PCDH15: variants seen among roughly 807,000 people sequenced by gnomAD.
PCDH15 encodes protocadherin related 15, also known as protocadherin-15.
In PCDH15, 129 loss-of-function variants were observed where a neutral mutation model predicts 178.5. That is an observed-to-expected ratio of 0.72 (90% CI 0.63 to 0.84). The LOEUF is 0.84. Ranked by LOEUF, PCDH15 falls within the 40% of genes least tolerant of loss-of-function variation. PCDH15 has a pLI of 0.00. For synonymous variants in PCDH15, 800 were observed against 732.0 expected, an observed-to-expected ratio of 1.09 and a Z score of -1.50; for missense variants, 2,230 against 2,099.9, an observed-to-expected ratio of 1.06 and a Z score of -1.21.
chr10:54,031,134 A>G (rs2093281344), intron 18 of PCDH15, among the ~76,000 whole-genome samples: 1 of 152,050 alleles, frequency 6.6e-6, no homozygotes, highest in Admixed American at 6.6e-5. Flanking sequence ...CAGAAATTCC[A>G]TTCCCTCACA....
chr10:55,189,945 T>G (rs1246579112), intron 1 of PCDH15, among the ~76,000 whole-genome samples: 1 of 151,746 alleles, frequency 6.6e-6, no homozygotes, highest in Non-Finnish European at 1.5e-5. Context: ...AGAAATGGAG[T>G]GCATATGTCC....
intron 1 of PCDH15, among the ~76,000 whole-genome samples, chr10:54,742,952 C>A (rs1464744662): frequency 1.3e-5 from 2 of 151,918 alleles, no homozygotes; most frequent in East Asian, 1.9e-4. Flanking sequence ...CAATATTCAC[C>A]ATAAGTCTGG....
At chr10:55,561,213 A>C (rs1216577370) in intron 2 of PCDH15, among the ~76,000 whole-genome samples, 4 of 151,908 alleles carry the variant, frequency 2.6e-5, no homozygotes, top group Admixed American at 6.6e-5. Context: ...CTGGGAAGTT[A>C]ACAACTTTTC....
chr10:54,779,195 G>C (rs1267667283), intron 1 of PCDH15, among the ~76,000 whole-genome samples: 1 of 151,416 alleles, frequency 6.6e-6, no homozygotes, highest in East Asian at 2.0e-4. Context: ...AATGAAATAA[G>C]TAACCAAGGG....
At chr10:54,173,720 A>C (rs1207228662) in intron 13 of PCDH15, among the ~76,000 whole-genome samples, 1 of 152,188 alleles carries the variant, frequency 6.6e-6, no homozygotes, top group African/African-American at 2.4e-5. Flanking sequence ...TGATAGAAAA[A>C]GAAGAAAAGT....
intron 2 of PCDH15, among the ~76,000 whole-genome samples, chr10:55,488,188 T>G (rs1370646408): frequency 6.6e-6 from 1 of 151,632 alleles, no homozygotes; most frequent in Non-Finnish European, 1.5e-5. Context: ...AGTGTATATT[T>G]TCTTTAAAGT....
At chr10:54,329,738 A>G (rs1436257371) in intron 6 of PCDH15, 32 bp from the exon 7 acceptor site, 3 of 1,334,484 alleles carry the variant, frequency 2.2e-6, no homozygotes, top group Non-Finnish European at 3.2e-6. Context: ...ACTTCAGATT[A>G]TTTGAATGTA....
At chr10:54,437,289 T>G (rs2075486854) in intron 3 of PCDH15, among the ~76,000 whole-genome samples, 1 of 152,112 alleles carries the variant, frequency 6.6e-6, no homozygotes, top group Non-Finnish European at 1.5e-5. Flanking sequence ...TTAACAACAA[T>G]GGGACAAATC....
chr10:54,506,210 G>A (rs947010099), intron 3 of PCDH15, among the ~76,000 whole-genome samples: 4 of 151,892 alleles, frequency 2.6e-5, no homozygotes, highest in Non-Finnish European at 4.4e-5. Context: ...TTGGAACTTT[G>A]GAGTATAGTG....
intron 1 of PCDH15, among the ~76,000 whole-genome samples, chr10:54,667,033 G>T (rs1238318367): frequency 6.6e-6 from 1 of 151,742 alleles, no homozygotes; most frequent in African/African-American, 2.4e-5. Flanking sequence ...AGGATTATAT[G>T]CATATTTCTG....
At chr10:55,059,233 C>A (rs1319192401) in intron 2 of PCDH15, among the ~76,000 whole-genome samples, 1 of 152,166 alleles carries the variant, frequency 6.6e-6, no homozygotes, top group African/African-American at 2.4e-5. Flanking sequence ...ACTTTAAAAA[C>A]CTTCCTACCA....
chr10:54,854,025 G>A (rs763126140), intron 3 of PCDH15, among the ~76,000 whole-genome samples: 2 of 152,176 alleles, frequency 1.3e-5, no homozygotes, highest in African/African-American at 2.4e-5. Context: ...TGCCAAAGGC[G>A]AGTCAGGCAT....
chr10:54,841,207 T>C (rs1287644043), intron 3 of PCDH15, among the ~76,000 whole-genome samples: 1 of 151,778 alleles, frequency 6.6e-6, no homozygotes, highest in Non-Finnish European at 1.5e-5. Context: ...AGACAGAAAT[T>C]ATATGAAGTA....
intron 35 of PCDH15, among the ~76,000 whole-genome samples, chr10:53,812,914 G>A (rs997690771): frequency 6.6e-6 from 1 of 152,124 alleles, no homozygotes. Flanking sequence ...GCCCTCCTCT[G>A]AGGGCACAAA....
intron 2 of PCDH15, among the ~76,000 whole-genome samples, chr10:55,046,460 T>C (rs1841009154): frequency 6.6e-6 from 1 of 152,048 alleles, no homozygotes. Context: ...TTATACATTT[T>C]GTAGAAACTG....
In PCDH15 at chr10:54,849,865, C is replaced by T. The variant is rs538881262; in HGVS notation, c.-29+47585G>A. 5.3e-5 allele frequency among the ~76,000 whole-genome samples: 8 copies of T among 151,932 alleles called. No individual in the cohort carries two copies. In the East Asian group the frequency reaches 1.4e-3, roughly 26 times the overall value. ...TCAAATATTTACAATGTGGTTGAAC[C>T]GATTTGTGGTTTTCAGTTAATATCA... On this transcript the variant is annotated intron_variant, in intron 3 of 5. Transcript: ENST00000458638.
At chr10:54,199,564 CAACAACAATAAT>C (rs2050020631) in intron 10 of PCDH15, among the ~76,000 whole-genome samples, 1 of 79,270 alleles carries the variant, frequency 1.3e-5, no homozygotes, top group Admixed American at 1.4e-4. Flanking sequence ...TAAACAACAA[CAACAACAATAAT>C]AATAATAATA....
intron 2 of PCDH15, among the ~76,000 whole-genome samples, chr10:55,388,288 T>C (rs1473685887): frequency 5.9e-5 from 9 of 152,114 alleles, no homozygotes; most frequent in Admixed American, 3.3e-4. Context: ...GGATTCTTCA[T>C]TGGATTCATT....
intron 6 of PCDH15, among the ~76,000 whole-genome samples, chr10:54,340,636 G>T (rs1942056637): frequency 6.6e-6 from 1 of 152,054 alleles, no homozygotes; most frequent in Non-Finnish European, 1.5e-5. Flanking sequence ...TTTAGAGCAG[G>T]AATGAAAGCA....
Sources: gnomAD v4.1 joint callset for allele counts (sites outside exome capture counted in the v4.1 genomes callset) on GRCh38, gnomAD v4.1.1 for gene constraint, MANE v1.5 for transcripts, NCBI Gene and HGNC (gene_info 2026-07-23, HGNC 2026-07-21) for gene names.